The following FMN2 variants were observed in gnomAD, a reference collection of about 807,000 sequenced individuals.
FMN2 encodes formin 2, also known as formin-2.
FMN2 carries 51 observed loss-of-function variants against 142.3 expected under a neutral mutation model. The observed-to-expected ratio is 0.36, with a 90% CI of 0.29 to 0.45. FMN2 has a LOEUF of 0.45. FMN2 is among the 20% of genes least tolerant of loss of function. The pLI is 1.00. For synonymous variants in FMN2, 882 were observed against 869.8 expected, an observed-to-expected ratio of 1.01 and a Z score of -0.25; for missense variants, 1,936 against 2,122.8, an observed-to-expected ratio of 0.91 and a Z score of 1.73.
intron 14 of FMN2, among the ~76,000 whole-genome samples, chr1:240,367,481 G>A (rs1365022990): frequency 6.6e-6 from 1 of 151,954 alleles, no homozygotes; most frequent in Non-Finnish European, 1.5e-5. Flanking sequence ...CCTTATTTAA[G>A]AAATCCGGCG....
rs184491719 is a variant in FMN2, at chr1:240,359,669, G to T, written c.4858+3761G>T. Among the ~76,000 whole-genome samples the T allele has an allele frequency of 2.6e-3, 401 of 152,226 alleles. 3 individuals carry two copies. The highest frequency in any genetic ancestry group is 8.9e-3 in the African/African-American group (368 of 41,540). ...CTCACTGGGAACATCTCTCACCTCT[G>T]CCCTAAAATAGGCAGATTTAGAGAA... On this transcript the variant is annotated intron_variant, in intron 14 of 17. Coordinates refer to ENST00000319653, the MANE Select transcript of FMN2 (RefSeq NM_020066.5).
chr1:240,309,452 C>G (rs1670527378), intron 8 of FMN2, among the ~76,000 whole-genome samples: 2 of 152,146 alleles, frequency 1.3e-5, no homozygotes, highest in African/African-American at 4.8e-5. Flanking sequence ...CCTCAGGGCA[C>G]AGGCAAGCCT....
intron 8 of FMN2, among the ~76,000 whole-genome samples, chr1:240,299,745 T>C (rs182799361): frequency 9.2e-4 from 140 of 152,258 alleles, no homozygotes; most frequent in African/African-American, 3.1e-3. Context: ...TCCGCTGGAC[T>C]GAAAAGAAGC....
At chr1:240,415,223 A>G (rs1241407769) in intron 15 of FMN2, among the ~76,000 whole-genome samples, 2 of 152,214 alleles carry the variant, frequency 1.3e-5, no homozygotes, top group Admixed American at 6.5e-5. Flanking sequence ...GGATGATTTC[A>G]TGTCCTTTGC....
intron 16 of FMN2, 72 bp downstream of exon 16, chr1:240,438,282 A>C (rs1174483623): frequency 2.0e-6 from 3 of 1,498,560 alleles, no homozygotes; most frequent in African/African-American, 1.4e-5. Flanking sequence ...CTGGGTTGCC[A>C]ATTTTCGTAG....
intron 2 of FMN2, among the ~76,000 whole-genome samples, chr1:240,168,192 G>A (rs182908413): frequency 2.8e-4 from 42 of 152,082 alleles, no homozygotes; most frequent in African/African-American, 4.1e-4. Flanking sequence ...AATGATTAAC[G>A]CAAACCCAGA....
intron 16 of FMN2, among the ~76,000 whole-genome samples, chr1:240,462,674 GTGAGCTTTAA>G: frequency 6.6e-6 from 1 of 152,236 alleles, no homozygotes; most frequent in East Asian, 1.9e-4. Context: ...ACTTGCTTGT[GTGAGCTTTAA>G]TGTAATGCCC....
intron 3 of FMN2, among the ~76,000 whole-genome samples, chr1:240,185,759 G>T (rs560726614): frequency 6.6e-6 from 1 of 152,180 alleles, no homozygotes; most frequent in Non-Finnish European, 1.5e-5. Context: ...CTTGTGGCAC[G>T]ATCTAAATAG....
chr1:240,456,684 G>C (rs1042186477), intron 16 of FMN2, among the ~76,000 whole-genome samples: 2 of 152,134 alleles, frequency 1.3e-5, no homozygotes, highest in East Asian at 3.9e-4. Context: ...GCGAACTCCC[G>C]ACCTCAGGTG....
intron 6 of FMN2, among the ~76,000 whole-genome samples, chr1:240,257,430 C>A (rs966691974): frequency 2.6e-5 from 4 of 152,142 alleles, no homozygotes; most frequent in Non-Finnish European, 5.9e-5. Context: ...TTCTATGTGA[C>A]CCAAGTGAAA....
rs1214470681 is a variant in FMN2 at position 240,473,905 on chromosome 1, C to T, written c.5143-223C>T. On this transcript the variant is annotated intron_variant, in intron 17 of 17. Coordinates refer to ENST00000319653, the MANE Select transcript of FMN2 (RefSeq NM_020066.5). This position sits in a 1 kb window ranked among gnomAD's most constrained non-coding sequence, Gnocchi z 4.3. ...TTGGTTAGAAGTTAAATTTTTAAAA[C>T]TTTTTTTTTTCTCAAAAGTATTTGG... Among the ~76,000 whole-genome samples, 1 of 149,938 alleles carries T rather than the reference C, an allele frequency of 6.7e-6. No homozygotes were observed. The highest frequency in any genetic ancestry group is 1.5e-5 in the Non-Finnish European group (1 of 67,362).
intron 7 of FMN2, among the ~76,000 whole-genome samples, chr1:240,272,860 A>G (rs1669066626): frequency 6.6e-6 from 1 of 152,154 alleles, no homozygotes. Flanking sequence ...TTATTTTCTC[A>G]GCCAAATACC....
intron 4 of FMN2, among the ~76,000 whole-genome samples, chr1:240,193,762 C>T (rs558908483): frequency 2.0e-5 from 3 of 152,346 alleles, no homozygotes; most frequent in South Asian, 2.1e-4. Context: ...AGTATTCTCC[C>T]GATGGGTCTC....
intron 15 of FMN2, among the ~76,000 whole-genome samples, chr1:240,424,643 C>A (rs1270024299): frequency 6.6e-6 from 1 of 152,154 alleles, no homozygotes. Flanking sequence ...CACTCGTAGA[C>A]CTTACTGTGG....
chr1:240,448,616 G>A (rs1408740993), intron 16 of FMN2, among the ~76,000 whole-genome samples: 1 of 152,068 alleles, frequency 6.6e-6, no homozygotes, highest in Non-Finnish European at 1.5e-5. Flanking sequence ...AGGAGTTCAA[G>A]AACAACCTGG....
intron 16 of FMN2, among the ~76,000 whole-genome samples, chr1:240,445,649 A>G (rs12092475): frequency 0.75 from 113,695 of 151,580 alleles, 42,667 homozygotes; most frequent in Admixed American, 0.82. Context: ...GGCCCTGGTA[A>G]GTCATGGTAA....
intron 6 of FMN2, among the ~76,000 whole-genome samples, chr1:240,221,694 C>A (rs1350728965): frequency 6.6e-6 from 1 of 152,066 alleles, no homozygotes; most frequent in East Asian, 1.9e-4. Context: ...TGCCTGTTCA[C>A]TCTGATGATA....
intron 1 of FMN2, among the ~76,000 whole-genome samples, chr1:240,104,110 C>A (rs973545780): frequency 6.6e-6 from 1 of 151,116 alleles, no homozygotes; most frequent in African/African-American, 2.4e-5. Context: ...GATCTCCTGA[C>A]CTCGTGATCC....
chr1:240,255,230 A>C (rs557807602), intron 6 of FMN2, among the ~76,000 whole-genome samples: 7 of 152,098 alleles, frequency 4.6e-5, no homozygotes, highest in African/African-American at 1.7e-4. Context: ...CCTGTCACTT[A>C]TTTCTTGAAT....
Sources: gnomAD v4.1 joint callset for allele counts (sites outside exome capture counted in the v4.1 genomes callset) on GRCh38, gnomAD v4.1.1 for gene constraint, Gnocchi (gnomAD v3.1) non-coding constraint, MANE v1.5 for transcripts, NCBI Gene and HGNC (gene_info 2026-07-23, HGNC 2026-07-21) for gene names.